OPCML: variants seen among roughly 807,000 people sequenced by gnomAD.
OPCML encodes the protein opioid binding protein/cell adhesion molecule like, also known as opioid-binding protein/cell adhesion molecule.
OPCML carries 13 observed loss-of-function variants against 37.8 expected under a neutral mutation model. The ratio of observed to expected loss-of-function variants is 0.34; its 90% CI spans 0.22 to 0.55. OPCML has a LOEUF of 0.55. Ranked by LOEUF, OPCML falls within the 20% of genes least tolerant of loss-of-function variation. The pLI is 0.91. For missense variants in OPCML, 341 were observed against 435.6 expected, an observed-to-expected ratio of 0.78 and a Z score of 1.93; for synonymous variants, 176 against 168.8, an observed-to-expected ratio of 1.04 and a Z score of -0.33.
intron 2 of OPCML, among the ~76,000 whole-genome samples, chr11:132,767,825 T>C (rs1946505304): frequency 6.6e-6 from 1 of 151,164 alleles, no homozygotes; most frequent in East Asian, 1.9e-4. Context: ...AAAAAAACCC[T>C]CCTGCAGTTG....
chr11:133,511,887 T>C (rs1210241609), intron 1 of OPCML, among the ~76,000 whole-genome samples: 1 of 152,186 alleles, frequency 6.6e-6, no homozygotes, highest in African/African-American at 2.4e-5. Flanking sequence ...GCTTGACCCA[T>C]GCCAGGTAGT....
intron 2 of OPCML, among the ~76,000 whole-genome samples, chr11:132,757,872 C>A (rs970652519): frequency 6.6e-6 from 1 of 152,086 alleles, no homozygotes; most frequent in Non-Finnish European, 1.5e-5. Context: ...AGTCTTTGTC[C>A]ATGCCTATGT....
chr11:132,627,156 T>C (rs1014167595), intron 3 of OPCML, among the ~76,000 whole-genome samples: 2 of 152,032 alleles, frequency 1.3e-5, no homozygotes, highest in African/African-American at 2.4e-5. Flanking sequence ...ATAAGATATA[T>C]AATGGCCAGA....
rs73585659 is a variant in OPCML at position 132,823,331 on chromosome 11, C to G, written c.146+119595G>C. Among the ~76,000 whole-genome samples the G allele has an allele frequency of 8.0e-3, 1,217 of 152,292 alleles. 12 individuals are homozygous for G. The highest frequency in any genetic ancestry group is 0.028 in the African/African-American group (1,167 of 41,568). On this transcript the variant is annotated intron_variant, in intron 2 of 7. Coordinates refer to ENST00000524381, the MANE Select transcript of OPCML (RefSeq NM_001012393.5). ...CATGGGGGACAACCTCTTCTTCCCACTAATGTATTTAGGAAACTATCCGCA... is the reference window on the plus strand; with the variant it reads ...CATGGGGGACAACCTCTTCTTCCCAGTAATGTATTTAGGAAACTATCCGCA...
chr11:132,668,080 T>A (rs1304537726), intron 2 of OPCML, among the ~76,000 whole-genome samples: 1 of 152,230 alleles, frequency 6.6e-6, no homozygotes, highest in African/African-American at 2.4e-5. Context: ...GTAGGCTCAA[T>A]GCATTAGAAG....
intron 1 of OPCML, among the ~76,000 whole-genome samples, chr11:133,270,805 G>A (rs1001094920): frequency 6.6e-6 from 1 of 152,138 alleles, no homozygotes; most frequent in Non-Finnish European, 1.5e-5. Flanking sequence ...CAGAATCGTA[G>A]GTATGAGACA....
At chr11:132,779,183 G>T (rs1276148929) in intron 2 of OPCML, among the ~76,000 whole-genome samples, 1 of 152,036 alleles carries the variant, frequency 6.6e-6, no homozygotes, top group Non-Finnish European at 1.5e-5. Context: ...GGCCAGGCTG[G>T]CCTCGAACTC....
intron 2 of OPCML, among the ~76,000 whole-genome samples, chr11:132,795,123 C>G (rs900506963): frequency 2.6e-5 from 4 of 152,140 alleles, no homozygotes; most frequent in Non-Finnish European, 5.9e-5. Context: ...CAGACACACA[C>G]ACACACACAT....
rs148097668 is a variant in OPCML at position 132,477,639 on chromosome 11, A to G, written c.506-40280T>C. 5.8e-4 allele frequency among the ~76,000 whole-genome samples: 89 copies of G among 152,296 alleles called. 1 individual carries two copies. The East Asian group carries it at 0.014, about 24-fold the overall frequency. ...GCACTCTTAACCTCCAACATGAGGA[A>G]TGGAGGCAAAGTTCAAGACAGAAGC... On this transcript the variant is annotated intron_variant, in intron 4 of 7. Transcript: ENST00000524381.
At chr11:132,746,896 A>G (rs1455976724) in intron 2 of OPCML, among the ~76,000 whole-genome samples, 1 of 152,124 alleles carries the variant, frequency 6.6e-6, no homozygotes, top group African/African-American at 2.4e-5. Context: ...GGCTTCCCAG[A>G]GCTGAGAACG....
chr11:132,466,977 AGGGGTT>A (rs1260580053), intron 4 of OPCML, among the ~76,000 whole-genome samples: 75 of 152,258 alleles, frequency 4.9e-4, no homozygotes, highest in Middle Eastern at 3.4e-3. Context: ...GTGGAGGGAG[AGGGGTT>A]TCCACAGAAC....
At chr11:132,696,269 T>G (rs1365370860) in intron 2 of OPCML, among the ~76,000 whole-genome samples, 1 of 152,038 alleles carries the variant, frequency 6.6e-6, no homozygotes, top group East Asian at 1.9e-4. Flanking sequence ...TGGGAGAAAC[T>G]CAGTAGGAAG....
intron 2 of OPCML, among the ~76,000 whole-genome samples, chr11:132,851,598 T>C: frequency 6.6e-6 from 1 of 152,216 alleles, no homozygotes; most frequent in East Asian, 1.9e-4. Context: ...GGAAATTAAT[T>C]TGTAACTTAA....
chr11:133,346,255 G>A (rs1378217649), intron 1 of OPCML, among the ~76,000 whole-genome samples: 2 of 152,152 alleles, frequency 1.3e-5, no homozygotes, highest in Non-Finnish European at 2.9e-5. Context: ...GGGAGTTAGC[G>A]AGTCTGGCTC....
intron 1 of OPCML, among the ~76,000 whole-genome samples, chr11:133,072,986 C>A (rs550159801): frequency 9.2e-5 from 14 of 152,300 alleles, no homozygotes; most frequent in Admixed American, 5.2e-4. Context: ...GACGGTGAAA[C>A]CTGGAAGGAG....
Position 133,099,264 on chromosome 11 carries a change from CT to C in OPCML, c.62-156255del, listed in dbSNP as rs1023553714. On this transcript the variant is annotated intron_variant, in intron 1 of 7. Coordinates refer to ENST00000524381, the MANE Select transcript of OPCML (RefSeq NM_001012393.5). ...TTGCCAACATCTGTTAGTTTTTTAT[CT>C]TTTTTTTTTTTCTTTGAGACAGAGT... Among the ~76,000 whole-genome samples the C allele has an allele frequency of 3.0e-3, 428 of 144,878 alleles. 5 individuals are homozygous for C. The highest frequency in any genetic ancestry group is 8.0e-3 in the African/African-American group (318 of 39,918).
At chr11:133,475,411 T>G (rs1947219314) in intron 1 of OPCML, among the ~76,000 whole-genome samples, 1 of 152,124 alleles carries the variant, frequency 6.6e-6, no homozygotes, top group African/African-American at 2.4e-5. Flanking sequence ...TTTTCTATCT[T>G]CTTTTGTTTT....
At chr11:132,439,230 C>A (rs2096023604) in intron 4 of OPCML, among the ~76,000 whole-genome samples, 1 of 152,112 alleles carries the variant, frequency 6.6e-6, no homozygotes, top group Non-Finnish European at 1.5e-5. Flanking sequence ...GGTGAAAGAT[C>A]CCCAGACTGA....
chr11:132,556,535 G>A (rs1222147001), intron 3 of OPCML, among the ~76,000 whole-genome samples: 1 of 152,218 alleles, frequency 6.6e-6, no homozygotes, highest in African/African-American at 2.4e-5. Flanking sequence ...ACAAACAGGA[G>A]AGTGTGTGGA....
Sources: allele counts gnomAD v4.1 joint callset (sites outside exome capture counted in the v4.1 genomes callset), GRCh38; gene constraint gnomAD v4.1.1; transcripts MANE v1.5; gene names NCBI Gene and HGNC (gene_info 2026-07-23, HGNC 2026-07-21).